CUX2: variants seen among roughly 807,000 people sequenced by gnomAD.
CUX2 encodes cut like homeobox 2, also known as homeobox protein cut-like 2.
In CUX2, 40 loss-of-function variants were observed where a neutral mutation model predicts 144.8. The ratio of observed to expected loss-of-function variants is 0.28; its 90% CI spans 0.21 to 0.36. CUX2 has a LOEUF of 0.36. Among genes scored for constraint, CUX2 ranks in the 10% least tolerant of loss-of-function variants. The pLI is 1.00. For synonymous variants in CUX2, 827 were observed against 875.6 expected (o/e 0.94, Z 0.98); for missense variants, 1,615 against 1,994.0 (o/e 0.81, Z 3.62).
intron 17 of CUX2, among the ~76,000 whole-genome samples, chr12:111,321,349 G>C: frequency 7.1e-6 from 1 of 141,500 alleles, no homozygotes. Flanking sequence ...TGCCGGTATA[G>C]TCATGGCTAC....
intron 18 of CUX2, among the ~76,000 whole-genome samples, chr12:111,328,975 C>CTCTCTCTCTCTCTCTCTCTCTCTCTCT (rs1491501890): frequency 2.6e-4 from 17 of 65,660 alleles, no homozygotes; most frequent in South Asian, 7.7e-4. Flanking sequence ...CTCTCTCTCT[C>CTCTCTCTCTCTCTCTCTCTCTCTCTCT]CCCCTCTCTC....
intron 4 of CUX2, among the ~76,000 whole-genome samples, chr12:111,271,845 C>T (rs1010384150): frequency 7.2e-5 from 11 of 152,128 alleles, no homozygotes. Flanking sequence ...GATTTGTAGA[C>T]ACTCTTTGTA....
intron 16 of CUX2, among the ~76,000 whole-genome samples, chr12:111,318,495 C>G (rs1887317851): frequency 6.6e-6 from 1 of 151,086 alleles, no homozygotes; most frequent in South Asian, 2.1e-4. Flanking sequence ...GCAGGAGAAC[C>G]ACTTGAGCCC....
chr12:111,310,761 G>A lies in CUX2; in HGVS notation c.1900+79G>A, dbSNP rs186506082. Reference sequence around the variant, plus strand: ...TCAGGGCTGGGGGCTGAGGACACGCGCTCTGGGTTCAAAGCCCAGCTCTAC... The same window carrying A: ...TCAGGGCTGGGGGCTGAGGACACGCACTCTGGGTTCAAAGCCCAGCTCTAC... On this transcript the variant is annotated intron_variant, in intron 15 of 21. Coordinates refer to ENST00000261726, the MANE Select transcript of CUX2 (RefSeq NM_015267.4). The surrounding 1 kb of genome is among the most constrained non-coding windows in gnomAD (Gnocchi z 7.9). 1.0e-3 allele frequency: 1,468 copies of A among 1,462,054 alleles called. No individual in the cohort carries two copies. The highest frequency in any genetic ancestry group is 1.2e-3 in the Non-Finnish European group (1,285 of 1,099,038). The allele number at this position is 1,462,054 out of a possible 1,614,324, so 90.6% of individuals were successfully genotyped here. A position where few individuals can be genotyped will look rare whatever the true frequency, so the allele number is the denominator to read the frequency against.
At chr12:111,231,998 C>A (rs935531532) in intron 3 of CUX2, among the ~76,000 whole-genome samples, 3 of 151,848 alleles carry the variant, frequency 2.0e-5, no homozygotes, top group Non-Finnish European at 4.4e-5. Context: ...CTCAACTACT[C>A]GAGAGGCTGA....
intron 4 of CUX2, among the ~76,000 whole-genome samples, chr12:111,281,932 T>A (rs1885130920): frequency 6.6e-6 from 1 of 152,010 alleles, no homozygotes; most frequent in African/African-American, 2.4e-5. Flanking sequence ...TTAGCCAGGG[T>A]GAGCCTCGGA....
chr12:111,087,673 A>G (rs761977196), intron 1 of CUX2, among the ~76,000 whole-genome samples: 7 of 152,234 alleles, frequency 4.6e-5, no homozygotes, highest in Non-Finnish European at 7.3e-5. Context: ...CCAAGAGGAC[A>G]GAGGCTTTGT....
chr12:111,160,233 A>T lies in CUX2; in HGVS notation c.64-53967A>T, dbSNP rs1452243828. On this transcript the variant is annotated intron_variant, in intron 1 of 21. Coordinates refer to ENST00000261726, the MANE Select transcript of CUX2 (RefSeq NM_015267.4). This position sits in a 1 kb window ranked among gnomAD's most constrained non-coding sequence, Gnocchi z 4.1. ...AACAAGTTGTGATAGAAGAATTACA[A>T]ATTGTGATTCTGCAAAGAAACAGCA... 6.6e-6 allele frequency among the ~76,000 whole-genome samples: 1 copy of T among 152,116 alleles called. No homozygotes were observed. The highest frequency in any genetic ancestry group is 2.4e-5 in the African/African-American group (1 of 41,422).
intron 1 of CUX2, among the ~76,000 whole-genome samples, chr12:111,150,474 C>G (rs958154254): frequency 1.3e-5 from 2 of 152,104 alleles, no homozygotes; most frequent in Non-Finnish European, 2.9e-5. Flanking sequence ...ACACGGGGCT[C>G]CGGGAGAAAG....
At chr12:111,095,092 C>T (rs1872740685) in intron 1 of CUX2, among the ~76,000 whole-genome samples, 1 of 152,144 alleles carries the variant, frequency 6.6e-6, no homozygotes, top group African/African-American at 2.4e-5. Context: ...ACCAGATACC[C>T]CATAGCATCT....
At chr12:111,184,260 G>A (rs1315161572) in intron 1 of CUX2, among the ~76,000 whole-genome samples, 3 of 152,142 alleles carry the variant, frequency 2.0e-5, no homozygotes, top group Non-Finnish European at 4.4e-5. Context: ...GGCATTAATA[G>A]TAAGAGGAAA....
rs868502046 is a variant in CUX2 at position 111,034,600 on chromosome 12, G to A, written c.63+360G>A. ...AACCCCCGGCGGTCCCCCCTGAGCC[G>A]CACTTTGCGCGCCTCCCAACTTCGC... On this transcript the variant is annotated intron_variant, in intron 1 of 21. Transcript: ENST00000261726. This position sits in a 1 kb window ranked among gnomAD's most constrained non-coding sequence, Gnocchi z 4.2. Among the ~76,000 whole-genome samples, 1 of 151,284 alleles carries A rather than the reference G, an allele frequency of 6.6e-6. No homozygotes were observed. The highest frequency in any genetic ancestry group is 6.6e-5 in the Admixed American group (1 of 15,222).
Position 111,322,146 on chromosome 12 carries a change from CAT to C in CUX2, c.2767-274_2767-273del, listed in dbSNP as rs1487551388. 6.6e-6 allele frequency among the ~76,000 whole-genome samples: 1 copy of C among 151,848 alleles called. No individual in the cohort carries two copies. Among genetic ancestry groups the C allele is most frequent in the Non-Finnish European group, 1.5e-5 (1 of 67,952 alleles). On this transcript the variant is annotated intron_variant, in intron 17 of 21. Coordinates refer to ENST00000261726, the MANE Select transcript of CUX2 (RefSeq NM_015267.4). The surrounding 1 kb of genome is among the most constrained non-coding windows in gnomAD (Gnocchi z 4.2). ...CAGCCTGGCCAATGTGGCAAAACCCCATCTCTACTAAAAATACAAAAATTAGC... is the reference window on the plus strand; with the variant it reads ...CAGCCTGGCCAATGTGGCAAAACCCCCTCTACTAAAAATACAAAAATTAGC...
In CUX2 at chr12:111,190,277, A is replaced by G. The variant is rs1879797590; in HGVS notation, c.64-23923A>G. 6.6e-6 allele frequency among the ~76,000 whole-genome samples: 1 copy of G among 151,836 alleles called. No homozygotes were observed. The highest frequency in any genetic ancestry group is 2.1e-4 in the South Asian group (1 of 4,790). On this transcript the variant is annotated intron_variant, in intron 1 of 21. Coordinates refer to ENST00000261726, the MANE Select transcript of CUX2 (RefSeq NM_015267.4). The surrounding 1 kb of genome is among the most constrained non-coding windows in gnomAD (Gnocchi z 4.0). ...GGCCTTGCCTTTGCGCTTTTATTGC[A>G]CTTGTTCTTTTTAATGCAACAATTA...
At chr12:111,265,511 T>A (rs1389783282) in intron 4 of CUX2, among the ~76,000 whole-genome samples, 2 of 151,566 alleles carry the variant, frequency 1.3e-5, no homozygotes, top group Non-Finnish European at 2.9e-5. Flanking sequence ...CCGGCTAATT[T>A]TTTGTATTTT....
intron 1 of CUX2, among the ~76,000 whole-genome samples, chr12:111,076,998 A>G (rs1464483166): frequency 1.3e-5 from 2 of 152,224 alleles, no homozygotes; most frequent in African/African-American, 4.8e-5. Context: ...CGGCCAAAGG[A>G]TGGCTCTTTT....
intron 21 of CUX2, among the ~76,000 whole-genome samples, chr12:111,342,587 A>C (rs980290255): frequency 3.3e-5 from 5 of 152,140 alleles, no homozygotes; most frequent in African/African-American, 1.2e-4. Flanking sequence ...CTAACCTGTA[A>C]AATGGGGTGG....
intron 1 of CUX2, among the ~76,000 whole-genome samples, chr12:111,164,378 C>A (rs1242203437): frequency 6.6e-6 from 1 of 151,852 alleles, no homozygotes. Flanking sequence ...GAGTTTGAGA[C>A]CAGCCTGGCC....
At position 111,273,583 on chromosome 12, in the gene CUX2, T is replaced by C. The variant is rs530490071; in HGVS notation, c.301+9744T>C. On this transcript the variant is annotated intron_variant, in intron 4 of 21. Coordinates refer to ENST00000261726, the MANE Select transcript of CUX2 (RefSeq NM_015267.4). ...TCTTTGCTGCCAGTAGATTGAAAAG[T>C]TCCAGGCTGGAAGGATGAAGCCTTT... Among the ~76,000 whole-genome samples, 12 of 152,314 alleles carry C rather than the reference T, an allele frequency of 7.9e-5. No individual in the cohort carries two copies. The East Asian group carries it at 1.9e-3, about 25-fold the overall frequency.
Sources: gnomAD v4.1 joint callset for allele counts (sites outside exome capture counted in the v4.1 genomes callset) on GRCh38, gnomAD v4.1.1 for gene constraint, Gnocchi (gnomAD v3.1) non-coding constraint, MANE v1.5 for transcripts, NCBI Gene and HGNC (gene_info 2026-07-23, HGNC 2026-07-21) for gene names.